ZNF267: variants seen among roughly 807,000 people sequenced by gnomAD.
ZNF267 encodes the protein zinc finger (C2H2).
Under a neutral mutation model 71.6 loss-of-function variants are expected in ZNF267, and 61 were observed. The observed-to-expected ratio is 0.85, with a 90% CI of 0.69 to 1.05. The LOEUF (loss-of-function observed/expected upper bound fraction) is 1.05. Ranked by LOEUF, ZNF267 falls within the 50% of genes least tolerant of loss-of-function variation. The pLI, the probability that ZNF267 is intolerant of heterozygous loss-of-function variation, is 0.00. For missense variants in ZNF267, 852 were observed against 870.0 expected (o/e 0.98, Z 0.26); for synonymous variants, 288 against 293.2 (o/e 0.98, Z 0.18).
chr16:31,916,116 C>T lies in ZNF267; in HGVS notation c.1867C>T (p.Arg623Trp), dbSNP rs145439451. ...FSYSSDVIQH[R>W]RIHTGQRPYK... ...TTATAGTTCAGATGTTATTCAGCATCGGAGAATTCATACTGGCCAGAGACC... is the reference window on the plus strand; with the variant it reads ...TTATAGTTCAGATGTTATTCAGCATTGGAGAATTCATACTGGCCAGAGACC... The change falls in exon 4 of 4, where the codon CGG becomes TGG. Residue 623 changes from arginine to tryptophan, a missense_variant. Coordinates refer to ENST00000300870, the MANE Select transcript of ZNF267 (RefSeq NM_003414.6). 7.9e-5 allele frequency: 127 copies of T among 1,613,926 alleles called. No individual in the cohort carries two copies. Among genetic ancestry groups the T allele is most frequent in the Non-Finnish European group, 1.0e-4 (118 of 1,179,998 alleles).
At position 31,884,518 on chromosome 16, in the gene ZNF267, TGTG is replaced by T; in HGVS notation, c.26_28del (p.Val9del). 1 of 1,614,170 alleles carries T rather than the reference TGTG, an allele frequency of 6.2e-7. No individual in the cohort carries two copies. Among genetic ancestry groups the T allele is most frequent in the Non-Finnish European group, 8.5e-7 (1 of 1,180,000 alleles). On this transcript the variant is annotated inframe_deletion, in exon 2 of 4. Transcript: ENST00000300870. ...TTCAGGGACTGTTGACATTCAGGGATGTGGCCGTAGAATTCTCTTTGGAGGAGT... is the reference window on the plus strand; with the variant it reads ...TTCAGGGACTGTTGACATTCAGGGATGCCGTAGAATTCTCTTTGGAGGAGT...
At position 31,886,447 on chromosome 16, in the gene ZNF267, T is replaced by C. The variant is rs192264304; in HGVS notation, c.226+1191T>C. 2.0e-5 allele frequency among the ~76,000 whole-genome samples: 3 copies of C among 152,320 alleles called. No homozygotes were observed. In the East Asian group the frequency reaches 5.8e-4, roughly 29 times the overall value. ...GCAGCATTTGATTCTCATAGGAGTG[T>C]GAACCCTTTTGTGAACTGTGCATGC... On this transcript the variant is annotated intron_variant, in intron 3 of 3. Coordinates refer to ENST00000300870, the MANE Select transcript of ZNF267 (RefSeq NM_003414.6).
intron 3 of ZNF267, among the ~76,000 whole-genome samples, chr16:31,893,636 A>G (rs1165555511): frequency 6.6e-6 from 1 of 152,238 alleles, no homozygotes; most frequent in Non-Finnish European, 1.5e-5. Flanking sequence ...GTTAGCAGTC[A>G]TGCCTTTATG....
chr16:31,901,626 C>T (rs1184891761), intron 3 of ZNF267, among the ~76,000 whole-genome samples: 6 of 152,140 alleles, frequency 3.9e-5, no homozygotes, highest in Non-Finnish European at 8.8e-5. Flanking sequence ...ATATCCTTCA[C>T]CCACTTTTTG....
intron 3 of ZNF267, among the ~76,000 whole-genome samples, chr16:31,904,176 T>G (rs1712528157): frequency 6.6e-6 from 1 of 152,234 alleles, no homozygotes; most frequent in Non-Finnish European, 1.5e-5. Context: ...TTCTGTTCTT[T>G]TACATTTGCT....
chr16:31,905,289 T>C (rs2084079075), intron 3 of ZNF267, among the ~76,000 whole-genome samples: 1 of 152,198 alleles, frequency 6.6e-6, no homozygotes, highest in African/African-American at 2.4e-5. Flanking sequence ...TTGAGGAGTA[T>C]CTTTGTGGCA....
At chr16:31,900,891 C>T (rs2084035512) in intron 3 of ZNF267, among the ~76,000 whole-genome samples, 1 of 150,498 alleles carries the variant, frequency 6.6e-6, no homozygotes, top group Admixed American at 6.7e-5. Context: ...TGTTGGTGTG[C>T]TGCACCCATT....
chr16:31,908,650 T>C (rs1436700050), intron 3 of ZNF267, among the ~76,000 whole-genome samples: 1 of 152,048 alleles, frequency 6.6e-6, no homozygotes, highest in East Asian at 1.9e-4. Context: ...AGTTTTTTTT[T>C]AGCACTGGTT....
chr16:31,885,989 A>G (rs1017818550), intron 3 of ZNF267, among the ~76,000 whole-genome samples: 3 of 152,216 alleles, frequency 2.0e-5, no homozygotes, highest in East Asian at 3.8e-4. Flanking sequence ...TGTCCAGTAT[A>G]TAATAAACTC....
chr16:31,891,616 A>T (rs1860250444), intron 3 of ZNF267, among the ~76,000 whole-genome samples: 1 of 152,132 alleles, frequency 6.6e-6, no homozygotes, highest in African/African-American at 2.4e-5. Flanking sequence ...AATAAGTCTC[A>T]CGAGATCTGA....
At chr16:31,906,167 G>A (rs761599127) in intron 3 of ZNF267, among the ~76,000 whole-genome samples, 6 of 152,252 alleles carry the variant, frequency 3.9e-5, no homozygotes, top group South Asian at 2.1e-4. Flanking sequence ...AGGAGTACCC[G>A]GCCGTGTGAG....
rs1170420113 is a variant in ZNF267 at position 31,912,332 on chromosome 16, A to G, written c.227-2144A>G. 2.0e-5 allele frequency: 3 copies of G among 151,608 alleles called. No homozygotes were observed. In the East Asian group the frequency reaches 5.8e-4, roughly 29 times the overall value. 9.4% of individuals were successfully genotyped at this position (151,608 alleles called of 1,614,324 possible). The stretch of plus-strand genomic sequence containing the variant: ...CACGGGATAGACTATTCTAGTGTAA[A>G]AGCTTTGCTACTTCAGCACTTTAAA... On this transcript the variant is annotated intron_variant, in intron 3 of 3. Transcript: ENST00000300870.
At chr16:31,883,302 G>C (rs549645689) in intron 1 of ZNF267, among the ~76,000 whole-genome samples, 3 of 151,914 alleles carry the variant, frequency 2.0e-5, no homozygotes, top group East Asian at 3.9e-4. Flanking sequence ...CACAAAAAAG[G>C]CATCACCCAC....
intron 3 of ZNF267, among the ~76,000 whole-genome samples, chr16:31,886,215 A>G (rs1011038914): frequency 9.9e-5 from 15 of 152,230 alleles, no homozygotes; most frequent in African/African-American, 3.6e-4. Context: ...TAATTACCAC[A>G]TCAGTCATCT....
At chr16:31,892,231 AG>A (rs2083965186) in intron 3 of ZNF267, among the ~76,000 whole-genome samples, 1 of 152,124 alleles carries the variant, frequency 6.6e-6, no homozygotes, top group African/African-American at 2.4e-5. Flanking sequence ...GCAAAAAGAG[AG>A]GGAGCTTGTG....
In ZNF267 at chr16:31,917,076, A is replaced by C. The variant is rs1161990565; in HGVS notation, c.*595A>C. On this transcript the variant is annotated 3_prime_UTR_variant, in exon 4 of 4. Coordinates refer to ENST00000300870, the MANE Select transcript of ZNF267 (RefSeq NM_003414.6). The stretch of plus-strand genomic sequence containing the variant: ...TTGAGGTTTTTGGAAAGCAAATATT[A>C]TTTATATAATTCAGCTTTCAAATCT... 1 of 152,348 alleles carries C rather than the reference A, an allele frequency of 6.6e-6. No individual in the cohort carries two copies. The highest frequency in any genetic ancestry group is 2.4e-5 in the African/African-American group (1 of 41,454). 9.4% of individuals were successfully genotyped at this position (152,348 alleles called of 1,614,324 possible).
At position 31,916,230 on chromosome 16, in the gene ZNF267, A is replaced by G. The variant is rs143483156; in HGVS notation, c.1981A>G (p.Lys661Glu). Residue 661 changes from lysine to glutamate, a missense_variant, in exon 4 of 4, where the codon AAA becomes GAA. Transcript: ENST00000300870. ...QRSHTGERPY[K>E]CEECGKAFNS... ...AAGTCATACTGGAGAGAGACCCTACAAATGTGAAGAATGTGGCAAAGCCTT... is the reference window on the plus strand; with the variant it reads ...AAGTCATACTGGAGAGAGACCCTACGAATGTGAAGAATGTGGCAAAGCCTT... The G allele has an allele frequency of 2.7e-4, 439 of 1,614,164 alleles. 1 individual carries two copies. The African/African-American group carries it at 5.4e-3, about 20-fold the overall frequency.
At chr16:31,881,473 G>C (rs1053771322) in intron 1 of ZNF267, among the ~76,000 whole-genome samples, 1 of 151,956 alleles carries the variant, frequency 6.6e-6, no homozygotes, top group Non-Finnish European at 1.5e-5. Flanking sequence ...CCCAAAAGCA[G>C]GTAAATGGGA....
Position 31,916,524 on chromosome 16 carries a change from C to T in ZNF267, c.*43C>T. 6.5e-7 allele frequency: 1 copy of T among 1,545,082 alleles called. No homozygotes were observed. Among genetic ancestry groups the T allele is most frequent in the South Asian group, 1.2e-5 (1 of 81,834 alleles). ...CAGATTTTTTACTTGTTACCCATGT[C>T]TTATTGTGCATCAGATAATTTATAT... On this transcript the variant is annotated 3_prime_UTR_variant, in exon 4 of 4. Transcript: ENST00000300870.
Sources: gnomAD v4.1 joint callset for allele counts (sites outside exome capture counted in the v4.1 genomes callset) on GRCh38, gnomAD v4.1.1 for gene constraint, MANE v1.5 for transcripts, NCBI Gene and HGNC (gene_info 2026-07-23, HGNC 2026-07-21) for gene names.